Variants in ACAA2 observed in about 807,000 individuals in gnomAD.
The protein encoded by ACAA2 is 3-ketoacyl-CoA thiolase, mitochondrial.
In ACAA2, 35 loss-of-function variants were observed where a neutral mutation model predicts 44.8. The ratio of observed to expected loss-of-function variants is 0.78; its 90% CI spans 0.60 to 1.04. The LOEUF is 1.04. Ranked by LOEUF, ACAA2 falls within the 50% of genes least tolerant of loss-of-function variation. The pLI, the probability that ACAA2 is intolerant of heterozygous loss-of-function variation, is 0.00. For synonymous variants in ACAA2, 142 were observed against 166.5 expected (o/e 0.85, Z 1.13); for missense variants, 468 against 482.6 (o/e 0.97, Z 0.28).
chr18:49,803,420 A>G (rs966782740), intron 1 of ACAA2, among the ~76,000 whole-genome samples: 1 of 152,104 alleles, frequency 6.6e-6, no homozygotes, highest in African/African-American at 2.4e-5. Flanking sequence ...ATCTATCACC[A>G]TCCTTTCAGG....
intron 9 of ACAA2, among the ~76,000 whole-genome samples, chr18:49,784,848 A>AAAT (rs1358652148): frequency 6.6e-6 from 1 of 151,980 alleles, no homozygotes; most frequent in East Asian, 1.9e-4. Flanking sequence ...TTTTTTTCTA[A>AAAT]AATAGATTTA....
chr18:49,788,398 T>C (rs1568585077), intron 7 of ACAA2, among the ~76,000 whole-genome samples: 2 of 152,360 alleles, frequency 1.3e-5, no homozygotes, highest in East Asian at 3.9e-4. Flanking sequence ...CTAAATATAA[T>C]ATTTATTTTG....
intron 1 of ACAA2, 137 bp downstream of exon 1, chr18:49,813,332 C>A (rs2023693403): frequency 9.1e-6 from 6 of 656,322 alleles, no homozygotes; most frequent in Non-Finnish European, 1.1e-5. Flanking sequence ...GTTTTTATCA[C>A]GTCCGCTCCA....
At chr18:49,784,249 C>G (rs777103532) in intron 9 of ACAA2, among the ~76,000 whole-genome samples, 1 of 151,996 alleles carries the variant, frequency 6.6e-6, no homozygotes, top group African/African-American at 2.4e-5. Context: ...GTGTGTGTTA[C>G]GGGAAAGGAG....
At chr18:49,800,193 C>A (rs1413256563) in intron 2 of ACAA2, among the ~76,000 whole-genome samples, 2 of 137,674 alleles carry the variant, frequency 1.5e-5, no homozygotes, top group Non-Finnish European at 3.2e-5. Context: ...CAGCCCCCCG[C>A]CCGGCCAGCC....
Position 49,787,316 on chromosome 18 carries a change from C to CTCAGTCCTGCTT in ACAA2, c.917_928dup (p.Lys306_Leu309dup). ...CTCTACCAAATCCATGTCCTTAAGA[C>CTCAGTCCTGCTT]TCAGTCCTGCTTTCTTCAGTGCCCC... On this transcript the variant is annotated inframe_insertion, in exon 8 of 10. Transcript: ENST00000285093. The CTCAGTCCTGCTT allele has an allele frequency of 7.4e-7, 1 of 1,358,782 alleles. No homozygotes were observed. Among genetic ancestry groups the CTCAGTCCTGCTT allele is most frequent in the South Asian group, 1.5e-5 (1 of 64,608 alleles). The allele number at this position is 1,358,782 out of a possible 1,614,324, so 84.2% of individuals were successfully genotyped here. A position where few individuals can be genotyped will look rare whatever the true frequency, so the allele number is the denominator to read the frequency against.
chr18:49,787,632 G>A (rs1262604463), intron 7 of ACAA2, among the ~76,000 whole-genome samples: 1 of 151,676 alleles, frequency 6.6e-6, no homozygotes, highest in African/African-American at 2.4e-5. Context: ...AACACAGCAA[G>A]ACCCCATCTC....
chr18:49,803,256 A>ATAAT (rs896894600), intron 1 of ACAA2, among the ~76,000 whole-genome samples: 27 of 147,926 alleles, frequency 1.8e-4, no homozygotes, highest in African/African-American at 6.4e-4. Flanking sequence ...AATAATAATA[A>ATAAT]TAATAATAAT....
chr18:49,800,072 C>T (rs537902046), intron 2 of ACAA2, among the ~76,000 whole-genome samples: 5 of 150,880 alleles, frequency 3.3e-5, no homozygotes, highest in Non-Finnish European at 5.9e-5. Flanking sequence ...CCACGCCATC[C>T]GGGAGGGAGG....
Position 49,792,199 on chromosome 18 carries a change from G to T in ACAA2, c.706C>A (p.Pro236Thr), listed in dbSNP as rs867174773. The change falls in exon 6 of 10, where the codon CCT becomes ACT. Residue 236 changes from proline to threonine, a missense_variant. By Grantham distance (38) the Pro-to-Thr change is conservative. Transcript: ENST00000285093. ...GTTCCATCTTTCTTGAATACTGGAG[G>T]AAGTTTCTGTAACTGTTCCAGGGTG... ...QTTLEQLQKL[P>T]PVFKKDGTVT... is the part of the protein sequence containing the mutation. 1 of 1,614,002 alleles carries T rather than the reference G, an allele frequency of 6.2e-7. No homozygotes were observed. The highest frequency in any genetic ancestry group is 2.2e-5 in the East Asian group (1 of 44,876).
At chr18:49,797,889 C>T (rs1318390791) in intron 2 of ACAA2, among the ~76,000 whole-genome samples, 1 of 151,998 alleles carries the variant, frequency 6.6e-6, no homozygotes, top group East Asian at 1.9e-4. Flanking sequence ...TATTTAAATA[C>T]ATTCATAATG....
chr18:49,802,911 C>T, intron 1 of ACAA2, 58 bp from the exon 2 acceptor site: 2 of 1,563,062 alleles, frequency 1.3e-6, no homozygotes, highest in South Asian at 2.2e-5. Flanking sequence ...CCTCTAAATG[C>T]TTCGAATAAT....
intron 2 of ACAA2, among the ~76,000 whole-genome samples, chr18:49,800,498 G>C (rs920481105): frequency 6.6e-6 from 1 of 152,168 alleles, no homozygotes; most frequent in Non-Finnish European, 1.5e-5. Context: ...GATGGTTGCC[G>C]TGTCTGTGTG....
intron 1 of ACAA2, among the ~76,000 whole-genome samples, chr18:49,808,433 A>C (rs2023632745): frequency 6.6e-6 from 1 of 152,234 alleles, no homozygotes; most frequent in East Asian, 1.9e-4. Flanking sequence ...TAAAACTTGA[A>C]GGCAACCACG....
At chr18:49,805,805 G>A (rs953968738) in intron 1 of ACAA2, among the ~76,000 whole-genome samples, 1 of 150,210 alleles carries the variant, frequency 6.7e-6, no homozygotes, top group East Asian at 2.0e-4. Context: ...TTCCCAGGCT[G>A]GTCTCGAACT....
At chr18:49,810,197 A>G (rs2023653663) in intron 1 of ACAA2, among the ~76,000 whole-genome samples, 1 of 152,222 alleles carries the variant, frequency 6.6e-6, no homozygotes, top group African/African-American at 2.4e-5. Flanking sequence ...AAAAACATAA[A>G]TTTGTATATT....
chr18:49,798,001 T>TA (rs1219410734), intron 2 of ACAA2, among the ~76,000 whole-genome samples: 4 of 152,192 alleles, frequency 2.6e-5, no homozygotes, highest in Admixed American at 2.0e-4. Context: ...TTATAACAAT[T>TA]AGAGTTATTT....
intron 9 of ACAA2, 106 bp downstream of exon 9, chr18:49,785,091 A>C (rs2023312532): frequency 7.4e-7 from 1 of 1,346,016 alleles, no homozygotes; most frequent in Admixed American, 2.3e-5. Context: ...CCAGTGCAGG[A>C]GACATGAAGA....
At chr18:49,812,548 C>T (rs1208170910) in intron 1 of ACAA2, among the ~76,000 whole-genome samples, 1 of 152,146 alleles carries the variant, frequency 6.6e-6, no homozygotes, top group Non-Finnish European at 1.5e-5. Context: ...TTACACTGCC[C>T]CACACGAGTC....
Sources: gnomAD v4.1 joint callset for allele counts (sites outside exome capture counted in the v4.1 genomes callset) on GRCh38, gnomAD v4.1.1 for gene constraint, MANE v1.5 for transcripts, NCBI Gene and HGNC (gene_info 2026-07-23, HGNC 2026-07-21) for gene names.